Variants in FARSB observed in about 807,000 individuals in gnomAD.
FARSB encodes the protein phenylalanine--tRNA ligase beta subunit.
A neutral mutation model predicts 69.6 loss-of-function variants in FARSB; 40 were observed. That is an observed-to-expected ratio of 0.57 (90% confidence interval 0.45 to 0.75). The LOEUF is 0.75. Among genes scored for constraint, FARSB ranks in the 30% least tolerant of loss-of-function variants. The probability of loss-of-function intolerance (pLI) is 0.00; values close to 1 mark genes in which losing one functional copy is unlikely to be tolerated. For missense variants in FARSB, 632 were observed against 722.9 expected (o/e 0.87, Z 1.44); for synonymous variants, 235 against 247.2 (o/e 0.95, Z 0.46).
intron 14 of FARSB, among the ~76,000 whole-genome samples, chr2:222,616,657 G>C (rs1691004673): frequency 6.6e-6 from 1 of 151,632 alleles, no homozygotes; most frequent in African/African-American, 2.4e-5. Flanking sequence ...GTAATATTCT[G>C]TAAGTTTGTT....
chr2:222,617,699 C>G (rs926410676), intron 14 of FARSB, among the ~76,000 whole-genome samples: 4 of 152,154 alleles, frequency 2.6e-5, no homozygotes, highest in Non-Finnish European at 5.9e-5. Flanking sequence ...GCCTGTCCAA[C>G]ATGGTAAAAC....
At position 222,631,847 on chromosome 2, in the gene FARSB, C is replaced by T. The variant is rs543342350; in HGVS notation, c.716-173G>A. Among the ~76,000 whole-genome samples, 238 of 152,294 alleles carry T rather than the reference C, an allele frequency of 1.6e-3. 1 individual carries two copies. Among genetic ancestry groups the T allele is most frequent in the African/African-American group, 5.2e-3 (215 of 41,562 alleles). On this transcript the variant is annotated intron_variant, in intron 7 of 16. Transcript: ENST00000281828. ...CAGCACTCTGGGAGGCCAAAGTGGG[C>T]GGATCACCTGAGGTCAGGAGTTCAA... is the stretch of plus-strand genomic sequence containing the variant.
chr2:222,573,408 T>C (rs1188616859), intron 16 of FARSB, among the ~76,000 whole-genome samples: 1 of 152,092 alleles, frequency 6.6e-6, no homozygotes, highest in Non-Finnish European at 1.5e-5. Flanking sequence ...TAATCCACAC[T>C]TGGGGTGAGG....
At chr2:222,585,133 G>T (rs112660960) in intron 16 of FARSB, among the ~76,000 whole-genome samples, 2 of 152,308 alleles carry the variant, frequency 1.3e-5, no homozygotes, top group African/African-American at 4.8e-5. Context: ...GTGGCCCTCT[G>T]AGACAAAGCT....
intron 13 of FARSB, among the ~76,000 whole-genome samples, chr2:222,621,209 T>A (rs1691126602): frequency 6.6e-6 from 1 of 152,244 alleles, no homozygotes; most frequent in Admixed American, 6.5e-5. Context: ...TATTTTATCA[T>A]GGCAATGGAT....
chr2:222,599,066 C>A (rs1049637635), intron 16 of FARSB, among the ~76,000 whole-genome samples: 1 of 150,912 alleles, frequency 6.6e-6, no homozygotes, highest in Non-Finnish European at 1.5e-5. Context: ...CAAAAACAAT[C>A]CCTGAGGACT....
intron 6 of FARSB, among the ~76,000 whole-genome samples, chr2:222,633,712 A>G (rs1309275228): frequency 6.6e-6 from 1 of 151,772 alleles, no homozygotes; most frequent in East Asian, 1.9e-4. Context: ...AAGGAGGGGA[A>G]AAGTTAGAAA....
At chr2:222,602,121 G>A (rs1287368348) in intron 15 of FARSB, among the ~76,000 whole-genome samples, 3 of 152,118 alleles carry the variant, frequency 2.0e-5, no homozygotes, top group Admixed American at 2.0e-4. Context: ...CTGAAAGAAA[G>A]AAGGCTCTCA....
chr2:222,570,029 T>C lies in FARSB; in HGVS notation c.*1842A>G, dbSNP rs1351881140. On this transcript the variant is annotated 3_prime_UTR_variant, in exon 17 of 17. Transcript: ENST00000281828. Reference sequence around the variant, plus strand: ...ACCAGCAGTGCATGAAAGTTCCACTTGCTCCAGTCTCAGCAGTATTTGATT... The same window carrying C: ...ACCAGCAGTGCATGAAAGTTCCACTCGCTCCAGTCTCAGCAGTATTTGATT... 4.6e-5 allele frequency among the ~76,000 whole-genome samples: 7 copies of C among 152,216 alleles called. No homozygotes were observed. The highest frequency in any genetic ancestry group is 8.8e-5 in the Non-Finnish European group (6 of 68,038).
intron 16 of FARSB, among the ~76,000 whole-genome samples, chr2:222,588,594 T>C (rs758844280): frequency 9.9e-5 from 15 of 152,214 alleles, no homozygotes; most frequent in Admixed American, 2.6e-4. Context: ...ATGACATGAT[T>C]GTATATTTAG....
At chr2:222,653,729 T>G (rs563003209) in intron 1 of FARSB, among the ~76,000 whole-genome samples, 71 of 152,050 alleles carry the variant, frequency 4.7e-4, no homozygotes, top group African/African-American at 1.6e-3. Flanking sequence ...CGCCTTGGTT[T>G]AAGCGATCCT....
At chr2:222,575,840 G>T (rs528924213) in intron 16 of FARSB, among the ~76,000 whole-genome samples, 6 of 152,110 alleles carry the variant, frequency 3.9e-5, no homozygotes, top group Non-Finnish European at 5.9e-5. Context: ...GAGGACCTTG[G>T]GGGTAATTCC....
intron 15 of FARSB, among the ~76,000 whole-genome samples, chr2:222,607,321 T>C (rs1690725309): frequency 6.6e-6 from 1 of 152,186 alleles, no homozygotes; most frequent in Admixed American, 6.5e-5. Context: ...TGTATAAAGG[T>C]ACAAGGACAT....
intron 15 of FARSB, among the ~76,000 whole-genome samples, chr2:222,607,379 A>G (rs1047641846): frequency 1.3e-5 from 2 of 152,246 alleles, no homozygotes; most frequent in South Asian, 2.1e-4. Flanking sequence ...AAATCTAAAC[A>G]TTCATAACAA....
At chr2:222,622,174 G>A (rs1345648762) in intron 13 of FARSB, among the ~76,000 whole-genome samples, 4 of 152,162 alleles carry the variant, frequency 2.6e-5, no homozygotes, top group African/African-American at 4.8e-5. Context: ...AAAGCCCTTG[G>A]CACAGGGTAA....
chr2:222,655,888 C>A (rs1692161596), intron 1 of FARSB, 128 bp downstream of exon 1: 1 of 733,354 alleles, frequency 1.4e-6, no homozygotes, highest in Non-Finnish European at 2.4e-6. Context: ...TCGGCCTTCC[C>A]GCGTAAACCC....
chr2:222,640,889 T>C lies in FARSB; in HGVS notation c.312A>G (p.Lys104=). ...CTTCTGTGATAATCAATTTCTGGAT[T>C]TTTCCATCAGGCATTACCCGTTTAT... ...PVYKRVMPDG[K]IQKLIITEET... The change falls in exon 4 of 17, where the codon AAA becomes AAG. Residue 104 remains lysine, a synonymous_variant. Coordinates refer to ENST00000281828, the MANE Select transcript of FARSB (RefSeq NM_005687.5). 1 of 1,561,410 alleles carries C rather than the reference T, an allele frequency of 6.4e-7. No individual in the cohort carries two copies. The highest frequency in any genetic ancestry group is 8.8e-7 in the Non-Finnish European group (1 of 1,142,216).
In FARSB at chr2:222,641,946, A is replaced by C. The variant is rs538996216; in HGVS notation, c.269+905T>G. Among the ~76,000 whole-genome samples, 18 of 152,298 alleles carry C rather than the reference A, an allele frequency of 1.2e-4. No individual in the cohort carries two copies. In the South Asian group the frequency reaches 3.7e-3, roughly 32 times the overall value. ...GATAATGAAGAAGTAATCAAAAATA[A>C]AAACAATTTTTAATAGCTGTTCATT... On this transcript the variant is annotated intron_variant, in intron 3 of 16. Coordinates refer to ENST00000281828, the MANE Select transcript of FARSB (RefSeq NM_005687.5).
chr2:222,621,805 G>A (rs1358056235), intron 13 of FARSB, among the ~76,000 whole-genome samples: 4 of 152,224 alleles, frequency 2.6e-5, no homozygotes, highest in African/African-American at 9.6e-5. Context: ...TAACAACATA[G>A]ACCATCTTTG....
Sources: allele counts gnomAD v4.1 joint callset (sites outside exome capture counted in the v4.1 genomes callset), GRCh38; gene constraint gnomAD v4.1.1; transcripts MANE v1.5; gene names NCBI Gene and HGNC (gene_info 2026-07-23, HGNC 2026-07-21).